P2RX4: variants seen among roughly 807,000 people sequenced by gnomAD.
P2RX4 encodes P2X purinoceptor 4.
A neutral mutation model predicts 48.0 loss-of-function variants in P2RX4; 37 were observed. The observed-to-expected ratio is 0.77, with a 90% CI of 0.59 to 1.01. The LOEUF is 1.01. P2RX4 is among the 50% of genes least tolerant of loss of function. P2RX4 has a pLI of 0.00. For synonymous variants in P2RX4, 200 were observed against 199.7 expected (o/e 1.00, Z -0.01); for missense variants, 501 against 521.4 (o/e 0.96, Z 0.38).
intron 8 of P2RX4, among the ~76,000 whole-genome samples, chr12:121,231,278 C>T (rs141571383): frequency 2.8e-4 from 43 of 152,192 alleles, no homozygotes; most frequent in African/African-American, 1.0e-3. Context: ...TGTGAGCCAC[C>T]GCACCCAGCC....
chr12:121,229,013 C>T lies in P2RX4; in HGVS notation c.798C>T (p.Ala266=), dbSNP rs778381533. The change falls in exon 8 of 12, where the codon GCC becomes GCT. Residue 266 remains alanine, a synonymous_variant. Coordinates refer to ENST00000337233, the MANE Select transcript of P2RX4 (RefSeq NM_002560.3). This position sits in a 1 kb window ranked among gnomAD's most constrained non-coding sequence, Gnocchi z 4.6. The part of the protein sequence containing the change: ...QVNWDCNLDR[A]ASLCLPRYSF... ...ACTGGGACTGCAACCTGGACAGAGC[C>T]GCCTCCCTCTGCTTGCCCAGGTACT... The T allele has an allele frequency of 1.5e-5, 25 of 1,613,898 alleles. No individual in the cohort carries two copies. Among genetic ancestry groups the T allele is most frequent in the Non-Finnish European group, 1.9e-5 (23 of 1,179,998 alleles).
Position 121,229,190 on chromosome 12 carries a change from C to A in P2RX4, c.884+91C>A. 1 of 1,488,846 alleles carries A rather than the reference C, an allele frequency of 6.7e-7. No homozygotes were observed. 92.2% of individuals were successfully genotyped at this position (1,488,846 alleles called of 1,614,324 possible). On this transcript the variant is annotated intron_variant, in intron 8 of 11. Coordinates refer to ENST00000337233, the MANE Select transcript of P2RX4 (RefSeq NM_002560.3). This position sits in a 1 kb window ranked among gnomAD's most constrained non-coding sequence, Gnocchi z 4.6. ...GGGCCGCCCACTGAAGACCAGCACT[C>A]AGGCAGCACCCCAAGGGCAGGCTGC... is the stretch of plus-strand genomic sequence containing the variant.
chr12:121,232,427 T>G lies in P2RX4; in HGVS notation c.898T>G (p.Tyr300Asp). 6.2e-7 allele frequency: 1 copy of G among 1,613,260 alleles called. No individual in the cohort carries two copies. The highest frequency in any genetic ancestry group is 1.1e-5 in the South Asian group (1 of 91,056). Residue 300 changes from tyrosine (Y) to aspartate (D), a missense_variant, in exon 9 of 12, where the codon TAC becomes GAC. Transcript: ENST00000337233. The surrounding 1 kb of genome is among the most constrained non-coding windows in gnomAD (Gnocchi z 4.3). ...PGYNFRFAKYYRDLAGNEQRT... is the reference protein window; with the variant it reads ...PGYNFRFAKYDRDLAGNEQRT... Reference sequence around the variant, plus strand: ...CCTTCCCCTCAGGTTTGCCAAGTACTACAGAGACCTGGCTGGCAACGAGCA... The same window carrying G: ...CCTTCCCCTCAGGTTTGCCAAGTACGACAGAGACCTGGCTGGCAACGAGCA...
chr12:121,218,772 C>T (rs1886386851), intron 2 of P2RX4, among the ~76,000 whole-genome samples: 1 of 152,156 alleles, frequency 6.6e-6, no homozygotes, highest in Non-Finnish European at 1.5e-5. Context: ...GCTTTCACGA[C>T]GTCTGTGTTC....
At chr12:121,230,801 G>A (rs1443487574) in intron 8 of P2RX4, among the ~76,000 whole-genome samples, 3 of 152,086 alleles carry the variant, frequency 2.0e-5, no homozygotes, top group African/African-American at 7.2e-5. Flanking sequence ...GCTCCTGATG[G>A]ATCCCTGGAG....
intron 5 of P2RX4, among the ~76,000 whole-genome samples, chr12:121,225,016 G>A (rs1429921372): frequency 2.0e-5 from 3 of 152,136 alleles, no homozygotes; most frequent in Admixed American, 6.6e-5. Flanking sequence ...TTGAAATATG[G>A]CTGGGTCCGA....
intron 11 of P2RX4, 72 bp downstream of exon 11, chr12:121,233,164 T>TCCCCA: frequency 4.6e-6 from 5 of 1,087,572 alleles, no homozygotes; most frequent in Non-Finnish European, 6.8e-6. Flanking sequence ...GGCGTGGGCC[T>TCCCCA]GTCTGGGGAG....
chr12:121,233,294 A>T (rs1159390776), intron 11 of P2RX4: 1 of 639,804 alleles, frequency 1.6e-6, no homozygotes, highest in Non-Finnish European at 2.8e-6. Context: ...CTTTAAACCC[A>T]GCCTCGTTTC....
Position 121,229,088 on chromosome 12 carries a change from C to G in P2RX4, c.873C>G (p.Gly291=). The change falls in exon 8 of 12, where the codon GGC becomes GGG. Residue 291 remains glycine, a synonymous_variant. Transcript: ENST00000337233. This position sits in a 1 kb window ranked among gnomAD's most constrained non-coding sequence, Gnocchi z 4.6. ...TRDVEHNVSP[G]YNFRFAKYYR... is the part of the protein sequence containing the mutation. ...ACGTTGAGCACAACGTATCTCCTGG[C>G]TACAATTTCAGGTGGGCGTGAGCTT... 6.2e-7 allele frequency: 1 copy of G among 1,614,106 alleles called. No individual in the cohort carries two copies. The highest frequency in any genetic ancestry group is 8.5e-7 in the Non-Finnish European group (1 of 1,180,008).
chr12:121,232,638 A>G lies in P2RX4; in HGVS notation c.1006A>G (p.Met336Val), dbSNP rs1887444919. Residue 336 changes from methionine to valine, a missense_variant, in exon 10 of 12, where the codon ATG (methionine) becomes GTG (valine). Met to Val is a conservative substitution (Grantham distance 21). Transcript: ENST00000337233. This position sits in a 1 kb window ranked among gnomAD's most constrained non-coding sequence, Gnocchi z 4.3. The part of the protein sequence containing the change: ...KAGKFDIIPT[M>V]INIGSGLALL... ...AGGGAAATTTGACATCATCCCCACT[A>G]TGATCAACATCGGCTCTGGCCTGGC... 2 of 1,613,858 alleles carry G rather than the reference A, an allele frequency of 1.2e-6. No individual in the cohort carries two copies. The highest frequency in any genetic ancestry group is 1.7e-6 in the Non-Finnish European group (2 of 1,179,832).
At chr12:121,218,798 C>T (rs982276427) in intron 2 of P2RX4, among the ~76,000 whole-genome samples, 2 of 152,146 alleles carry the variant, frequency 1.3e-5, no homozygotes, top group African/African-American at 4.8e-5. Flanking sequence ...AGATGGAACA[C>T]AGTCATCTAT....
At chr12:121,212,824 A>ATATATATTTTT (rs370835501) in intron 1 of P2RX4, 3 of 32,250 alleles carry the variant, frequency 9.3e-5, no homozygotes, top group Non-Finnish European at 9.6e-5. Context: ...ATATATATAT[A>ATATATATTTTT]TTTTTTTTTT....
In P2RX4 at chr12:121,222,958, G is replaced by T. The variant is rs771418857; in HGVS notation, c.439G>T (p.Gly147Cys). 1.2e-6 allele frequency: 2 copies of T among 1,611,640 alleles called. No homozygotes were observed. The highest frequency in any genetic ancestry group is 2.7e-5 in the African/African-American group (2 of 74,878). ...CCTTGTGCTTGTAGGAGTCTCAACAGGCAGGTGCGTAGCTTTCAACGGGTC... is the reference window on the plus strand; with the variant it reads ...CCTTGTGCTTGTAGGAGTCTCAACATGCAGGTGCGTAGCTTTCAACGGGTC... ...AGTHSNGVST[G>C]RCVAFNGSVK... The change falls in exon 5 of 12, where the codon GGC becomes TGC. Residue 147 changes from glycine (G) to cysteine (C), a missense_variant. Gly to Cys is a radical substitution (Grantham distance 159). Coordinates refer to ENST00000337233, the MANE Select transcript of P2RX4 (RefSeq NM_002560.3).
Position 121,210,211 on chromosome 12 carries a change from A to G in P2RX4, c.47A>G (p.Asp16Gly). 6.4e-7 allele frequency: 1 copy of G among 1,555,000 alleles called. No individual in the cohort carries two copies. Among genetic ancestry groups the G allele is most frequent in the Non-Finnish European group, 8.7e-7 (1 of 1,155,864 alleles). Residue 16 changes from aspartate to glycine, a missense_variant, in exon 1 of 12, where the codon GAC becomes GGC. Physicochemically the swap from Asp to Gly is moderately conservative, Grantham distance 94 (BLOSUM62 -1). This residue lies in a region of P2RX4 where 295 missense variants were observed against 275.3 expected (regional missense o/e 1.07). Transcript: ENST00000337233. ...CTGGCGGCCTTCCTGTTCGAGTACG[A>G]CACGCCGCGCATCGTGCTCATCCGC... ...AALAAFLFEY[D>G]TPRIVLIRSR...
chr12:121,231,598 C>T (rs1330733874), intron 8 of P2RX4, among the ~76,000 whole-genome samples: 1 of 152,074 alleles, frequency 6.6e-6, no homozygotes, highest in Admixed American at 6.6e-5. Context: ...TCATCCATGT[C>T]GTAGCCTGTG....
chr12:121,219,952 T>C (rs80081285), intron 2 of P2RX4, among the ~76,000 whole-genome samples: 1,953 of 152,234 alleles, frequency 0.013, 45 homozygotes, highest in African/African-American at 0.044. Flanking sequence ...GTCTTTGCCT[T>C]TTATTCCTTA....
chr12:121,230,904 T>G (rs1455120515), intron 8 of P2RX4, among the ~76,000 whole-genome samples: 1 of 151,234 alleles, frequency 6.6e-6, no homozygotes, highest in African/African-American at 2.4e-5. Context: ...GCTCGCTCTC[T>G]CTCTCTCTCA....
chr12:121,222,705 C>A (rs145935941), intron 4 of P2RX4: 17,417 of 1,449,782 alleles, frequency 0.012, 164 homozygotes, highest in Non-Finnish European at 0.015. Context: ...ACCCACTGTG[C>A]CTGGCCTCTT....
Position 121,232,816 on chromosome 12 carries a change from C to T in P2RX4, c.1044+140C>T. On this transcript the variant is annotated intron_variant, in intron 10 of 11. Coordinates refer to ENST00000337233, the MANE Select transcript of P2RX4 (RefSeq NM_002560.3). The surrounding 1 kb of genome is among the most constrained non-coding windows in gnomAD (Gnocchi z 4.3). ...ACCTTCTTTCCCTTGGCCCCCAGCC[C>T]TCCTCCCACCTTCCCTTCTCCAAGA... 5 of 882,568 alleles carry T rather than the reference C, an allele frequency of 5.7e-6. No homozygotes were observed. Among genetic ancestry groups the T allele is most frequent in the Non-Finnish European group, 9.5e-6 (5 of 528,962 alleles). The allele number at this position is 882,568 out of a possible 1,614,324, so 54.7% of individuals were successfully genotyped here.
Sources: allele counts gnomAD v4.1 joint callset (sites outside exome capture counted in the v4.1 genomes callset), GRCh38; gene constraint gnomAD v4.1.1; regional missense constraint gnomAD v4.1.1; non-coding constraint Gnocchi (gnomAD v3.1); transcripts MANE v1.5; gene names NCBI Gene and HGNC (gene_info 2026-07-23, HGNC 2026-07-21).